The following NDUFS8 variants were observed in gnomAD, a reference collection of about 807,000 sequenced individuals.
NDUFS8 encodes NADH dehydrogenase [ubiquinone] iron-sulfur protein 8, mitochondrial.
NDUFS8 carries 13 observed loss-of-function variants against 25.6 expected under a neutral mutation model. That is an observed-to-expected ratio of 0.51 (90% CI 0.33 to 0.81). The LOEUF (loss-of-function observed/expected upper bound fraction) is 0.81, where lower values mean the gene tolerates loss of function less well. Ranked by LOEUF, NDUFS8 falls within the 30% of genes least tolerant of loss-of-function variation. The pLI is 0.02. For missense variants in NDUFS8, 257 were observed against 300.9 expected (o/e 0.85, Z 1.08); for synonymous variants, 119 against 119.4 (o/e 1.00, Z 0.02).
In NDUFS8 at chr11:68,032,234, G is replaced by T. The variant is rs533345614; in HGVS notation, c.58+25G>T. 3.2e-4 allele frequency: 521 copies of T among 1,613,726 alleles called. 4 individuals are homozygous for T. In the South Asian group the frequency reaches 3.6e-3, roughly 11 times the overall value. On this transcript the variant is annotated intron_variant, in intron 2 of 6. Coordinates refer to ENST00000313468, the MANE Select transcript of NDUFS8 (RefSeq NM_002496.4). The stretch of plus-strand genomic sequence containing the variant: ...GGTAGGACCAAAGAAGCCTTTGCTG[G>T]GGGTAGGGGAGTCCAGTCTCCTGGT...
At chr11:68,032,534 G>A (rs1049532144) in intron 3 of NDUFS8, 198 bp downstream of exon 3, 2 of 1,488,014 alleles carry the variant, frequency 1.3e-6, no homozygotes, top group Admixed American at 2.1e-5. Context: ...GTTAGCATGT[G>A]TGATCTCAGA....
rs752057064 is a variant in NDUFS8 at position 68,032,276 on chromosome 11, C to G, written c.59-10C>G. The stretch of plus-strand genomic sequence containing the variant: ...TCTCCTGGTATGACGTCACGCCCTT[C>G]TTTTTGCAGGACCTCCTGGTGGCCG... On this transcript the variant is annotated splice_polypyrimidine_tract_variant and intron_variant, in intron 2 of 6. Coordinates refer to ENST00000313468, the MANE Select transcript of NDUFS8 (RefSeq NM_002496.4). The G allele has an allele frequency of 6.2e-7, 1 of 1,613,842 alleles. No homozygotes were observed.
At chr11:68,032,363 C>T in intron 3 of NDUFS8, 27 bp downstream of exon 3, 1 of 1,613,020 alleles carries the variant, frequency 6.2e-7, no homozygotes, top group Non-Finnish European at 8.5e-7. Context: ...CCTCTAGCCT[C>T]AGGTGTTCCT....
In NDUFS8 at chr11:68,036,455, C is replaced by G; in HGVS notation, c.502-7C>G. On this transcript the variant is annotated splice_region_variant and splice_polypyrimidine_tract_variant and intron_variant, in intron 6 of 6. Coordinates refer to ENST00000313468, the MANE Select transcript of NDUFS8 (RefSeq NM_002496.4). ...CCTAACCACCGTCCCTGCACCTCAA[C>G]CTGCAGGGCCCCAACTTTGAGTTCT... 5 of 1,614,030 alleles carry G rather than the reference C, an allele frequency of 3.1e-6. No homozygotes were observed. Among genetic ancestry groups the G allele is most frequent in the Non-Finnish European group, 3.4e-6 (4 of 1,179,982 alleles).
chr11:68,035,592 AG>A (rs761074349), intron 5 of NDUFS8: 3 of 298,474 alleles, frequency 1.0e-5, no homozygotes, highest in Middle Eastern at 4.1e-4. Flanking sequence ...AAGCTTGGTG[AG>A]GCGAGGCGGG....
At chr11:68,032,893 G>C in intron 3 of NDUFS8, 30 bp from the exon 4 acceptor site, 1 of 1,607,388 alleles carries the variant, frequency 6.2e-7, no homozygotes, top group Non-Finnish European at 8.5e-7. Flanking sequence ...GAGGCCTCTT[G>C]CCATGGCCTC....
At position 68,035,611 on chromosome 11, in the gene NDUFS8, C is replaced by T. The variant is rs1287411790; in HGVS notation, c.373-642C>T. ...TTGGTGAGGCGAGGCGGGACTGTAACTCAGCACTCACCGCAGGGTGAGACC... is the reference window on the plus strand; with the variant it reads ...TTGGTGAGGCGAGGCGGGACTGTAATTCAGCACTCACCGCAGGGTGAGACC... On this transcript the variant is annotated intron_variant, in intron 5 of 6. Transcript: ENST00000313468. The T allele has an allele frequency of 7.5e-6, 3 of 397,488 alleles. No homozygotes were observed. The East Asian group carries it at 2.5e-4, about 33-fold the overall frequency. The allele number at this position is 397,488 out of a possible 1,614,324, so 24.6% of individuals were successfully genotyped here. A position where few individuals can be genotyped will look rare whatever the true frequency, so the allele number is the denominator to read the frequency against.
intron 5 of NDUFS8, chr11:68,033,709 G>A (rs191382087): frequency 3.1e-4 from 88 of 283,512 alleles, no homozygotes; most frequent in Middle Eastern, 1.3e-3. Flanking sequence ...AGTGGGTCTC[G>A]TGCTTACCCG....
chr11:68,032,816 G>A, intron 3 of NDUFS8, 107 bp from the exon 4 acceptor site: 2 of 1,118,938 alleles, frequency 1.8e-6, no homozygotes, highest in Non-Finnish European at 1.3e-6. Context: ...CCCCTTTGTA[G>A]CCCAGCAGTT....
In NDUFS8 at chr11:68,033,210, C is replaced by A; in HGVS notation, c.299C>A (p.Ala100Glu). Residue 100 changes from alanine (A) to glutamate (E), a missense_variant, in exon 5 of 7, where the codon GCG (alanine) becomes GAG (glutamate). Transcript: ENST00000313468. The stretch of plus-strand genomic sequence containing the variant: ...AGCCCTCGCTTCCGTGGGGAGCATG[C>A]GCTGCGCCGGTACCCATCCGGGGAG... ...PLSPRFRGEH[A>E]LRRYPSGEER... The A allele has an allele frequency of 3.1e-6, 5 of 1,611,712 alleles. No homozygotes were observed. The highest frequency in any genetic ancestry group is 4.2e-6 in the Non-Finnish European group (5 of 1,179,430).
At chr11:68,032,584 G>C in intron 3 of NDUFS8, 1 of 1,369,770 alleles carries the variant, frequency 7.3e-7, no homozygotes, top group Non-Finnish European at 9.7e-7. Flanking sequence ...CCAGGTGTGA[G>C]CCATGGGTAC....
chr11:68,032,863 G>A, intron 3 of NDUFS8, 60 bp from the exon 4 acceptor site: 1 of 1,544,624 alleles, frequency 6.5e-7, no homozygotes, highest in Non-Finnish European at 8.9e-7. Context: ...TCTCCCTGAG[G>A]CTCCAGGGAG....
intron 5 of NDUFS8, among the ~76,000 whole-genome samples, chr11:68,035,465 A>G (rs2134417541): frequency 6.6e-6 from 1 of 152,300 alleles, no homozygotes; most frequent in South Asian, 2.1e-4. Flanking sequence ...CTTTATTCCT[A>G]AAAAGTGCTG....
At chr11:68,030,784 C>A (rs1419944157) in intron 1 of NDUFS8, 51 bp downstream of exon 1, 2 of 355,094 alleles carry the variant, frequency 5.6e-6, no homozygotes, top group Non-Finnish European at 1.1e-5. Context: ...AGCGTGGCGT[C>A]GGGGGCGAGT....
At chr11:68,036,139 T>G in intron 5 of NDUFS8, 114 bp from the exon 6 acceptor site, 2 of 1,550,730 alleles carry the variant, frequency 1.3e-6, no homozygotes, top group Non-Finnish European at 1.7e-6. Flanking sequence ...CAGGAGGCCT[T>G]TGAGGGGAGA....
chr11:68,033,369 C>A lies in NDUFS8; in HGVS notation c.372+86C>A, dbSNP rs150041259. 12,287 of 1,488,348 alleles carry A rather than the reference C, an allele frequency of 8.3e-3. 79 individuals carry two copies. The highest frequency in any genetic ancestry group is 0.01 in the Non-Finnish European group (11,401 of 1,100,108). The allele number at this position is 1,488,348 out of a possible 1,614,324, so 92.2% of individuals were successfully genotyped here. ...GCAGCCCTAGGCCCAAACCCTAGCCCCTGCTTGATGTGCGTCCCCAGGAAG... is the reference window on the plus strand; with the variant it reads ...GCAGCCCTAGGCCCAAACCCTAGCCACTGCTTGATGTGCGTCCCCAGGAAG... On this transcript the variant is annotated intron_variant, in intron 5 of 6. Transcript: ENST00000313468.
In NDUFS8 at chr11:68,033,108, C is replaced by G; in HGVS notation, c.200-3C>G. 1 of 1,613,052 alleles carries G rather than the reference C, an allele frequency of 6.2e-7. No homozygotes were observed. The highest frequency in any genetic ancestry group is 8.5e-7 in the Non-Finnish European group (1 of 1,179,844). On this transcript the variant is annotated splice_region_variant and splice_polypyrimidine_tract_variant and intron_variant, in intron 4 of 6. Coordinates refer to ENST00000313468, the MANE Select transcript of NDUFS8 (RefSeq NM_002496.4). Reference sequence around the variant, plus strand: ...CTGCCCACCACACCCGTGCTGCCCACAGGCCTGGGCATGACCCTGAGCTAC... The same window carrying G: ...CTGCCCACCACACCCGTGCTGCCCAGAGGCCTGGGCATGACCCTGAGCTAC...
chr11:68,036,633 A>T lies in NDUFS8; in HGVS notation c.*40A>T. ...GCAGCCCCTGCTGCCCAATAAAACC[A>T]CTCCGACCCCACGGCCTCTTGTCTT... On this transcript the variant is annotated 3_prime_UTR_variant, in exon 7 of 7. Transcript: ENST00000313468. The T allele has an allele frequency of 6.2e-7, 1 of 1,611,100 alleles. No homozygotes were observed. The highest frequency in any genetic ancestry group is 8.5e-7 in the Non-Finnish European group (1 of 1,179,574).
chr11:68,030,914 G>A (rs77155493), intron 1 of NDUFS8, 181 bp downstream of exon 1: 32,771 of 381,158 alleles, frequency 0.086, 1,611 homozygotes, highest in Non-Finnish European at 0.12. Flanking sequence ...CGCATGCGCC[G>A]CCCGCTCTGC....
Sources: gnomAD v4.1 joint callset for allele counts (sites outside exome capture counted in the v4.1 genomes callset) on GRCh38, gnomAD v4.1.1 for gene constraint, MANE v1.5 for transcripts, NCBI Gene and HGNC (gene_info 2026-07-23, HGNC 2026-07-21) for gene names.